Variants in TMEM132C observed in about 807,000 individuals in gnomAD.
TMEM132C encodes protein phosphatase 1, regulatory subunit 152.
In TMEM132C, 29 loss-of-function variants were observed where a neutral mutation model predicts 61.4. The observed-to-expected ratio is 0.47, with a 90% CI of 0.35 to 0.64. The LOEUF (loss-of-function observed/expected upper bound fraction) is 0.64. TMEM132C is among the 30% of genes least tolerant of loss of function. The pLI, the probability that TMEM132C is intolerant of heterozygous loss-of-function variation, is 0.00. For synonymous variants in TMEM132C, 656 were observed against 633.1 expected (o/e 1.04, Z -0.54); for missense variants, 1,408 against 1,476.9 (o/e 0.95, Z 0.76).
intron 4 of TMEM132C, among the ~76,000 whole-genome samples, chr12:128,655,881 A>G (rs1271829341): frequency 6.6e-6 from 1 of 152,244 alleles, no homozygotes; most frequent in East Asian, 1.9e-4. Flanking sequence ...AAATATCTAC[A>G]TAAGTTAGCC....
In TMEM132C at chr12:128,427,428, G is replaced by GTATA. The variant is rs1251726209; in HGVS notation, c.974+11814_974+11817dup. 4.5e-3 allele frequency among the ~76,000 whole-genome samples: 584 copies of GTATA among 129,252 alleles called. 10 individuals are homozygous for GTATA. The highest frequency in any genetic ancestry group is 0.016 in the African/African-American group (554 of 33,782). The allele number at this position is 129,252 out of a possible 152,430, so 84.8% of individuals were successfully genotyped here. ...TGTGTGTGTGTGTGTGTGTGTGTGTGTATATATATTTAAGGAGGGTGGTGG... is the reference window on the plus strand; with the variant it reads ...TGTGTGTGTGTGTGTGTGTGTGTGTGTATATATATATATTTAAGGAGGGTGGTGG... On this transcript the variant is annotated intron_variant, in intron 2 of 8. Transcript: ENST00000435159.
intron 5 of TMEM132C, among the ~76,000 whole-genome samples, chr12:128,686,079 G>GTGTGTTGTGTGCA (rs1566014962): frequency 2.7e-5 from 1 of 37,218 alleles, no homozygotes; most frequent in African/African-American, 1.1e-4. Context: ...GCGTGTGTGC[G>GTGTGTTGTGTGCA]CATGTGTGTT....
chr12:128,270,148 C>T (rs1478650943), intron 1 of TMEM132C, among the ~76,000 whole-genome samples: 2 of 152,166 alleles, frequency 1.3e-5, no homozygotes, highest in African/African-American at 4.8e-5. Flanking sequence ...GGCTGAGATG[C>T]CCTCGGAAGT....
At chr12:128,590,920 G>A (rs1875727384) in intron 3 of TMEM132C, among the ~76,000 whole-genome samples, 1 of 152,078 alleles carries the variant, frequency 6.6e-6, no homozygotes, top group Non-Finnish European at 1.5e-5. Context: ...GGGACCACAG[G>A]TATGCACTGC....
chr12:128,458,586 G>A (rs1193448052), intron 2 of TMEM132C, among the ~76,000 whole-genome samples: 1 of 152,072 alleles, frequency 6.6e-6, no homozygotes, highest in Non-Finnish European at 1.5e-5. Context: ...CATGGGGAAG[G>A]AGGAGAAATG....
At chr12:128,634,605 G>A (rs1954087256) in intron 4 of TMEM132C, among the ~76,000 whole-genome samples, 1 of 152,228 alleles carries the variant, frequency 6.6e-6, no homozygotes, top group Non-Finnish European at 1.5e-5. Context: ...CCTGCTATGT[G>A]AGTGACACCT....
chr12:128,334,590 T>C lies in TMEM132C; in HGVS notation c.85+67103T>C, dbSNP rs558620576. ...TGAAATAAAACGTTATTTGTTCTTT[T>C]TCACTTTCCTTTTTTTTTTTTTTGA... On this transcript the variant is annotated intron_variant, in intron 1 of 8. Coordinates refer to ENST00000435159, the MANE Select transcript of TMEM132C (RefSeq NM_001136103.3). Among the ~76,000 whole-genome samples, 3 of 152,110 alleles carry C rather than the reference T, an allele frequency of 2.0e-5. No individual in the cohort carries two copies. In the East Asian group the frequency reaches 5.8e-4, roughly 29 times the overall value.
intron 5 of TMEM132C, among the ~76,000 whole-genome samples, chr12:128,678,133 C>T (rs1954608590): frequency 6.6e-6 from 1 of 152,170 alleles, no homozygotes; most frequent in Admixed American, 6.5e-5. Flanking sequence ...CCCTAAACAG[C>T]AGGACAGCAG....
rs535744000 is a variant in TMEM132C at position 128,424,963 on chromosome 12, T to C, written c.974+9343T>C. On this transcript the variant is annotated intron_variant, in intron 2 of 8. Coordinates refer to ENST00000435159, the MANE Select transcript of TMEM132C (RefSeq NM_001136103.3). Reference sequence around the variant, plus strand: ...ACATTTAGAAACCCCCTCAACATTGTTGATTAGTGAGAATGGCCAAAACAA... The same window carrying C: ...ACATTTAGAAACCCCCTCAACATTGCTGATTAGTGAGAATGGCCAAAACAA... 3.9e-5 allele frequency among the ~76,000 whole-genome samples: 6 copies of C among 152,330 alleles called. No individual in the cohort carries two copies. The East Asian group carries it at 9.6e-4, about 24-fold the overall frequency.
chr12:128,287,431 A>G (rs1871108628), intron 1 of TMEM132C, among the ~76,000 whole-genome samples: 1 of 151,962 alleles, frequency 6.6e-6, no homozygotes, highest in Non-Finnish European at 1.5e-5. Context: ...GTTTATCAGT[A>G]TTTTTCTTAA....
At chr12:128,378,648 C>T (rs1172089626) in intron 1 of TMEM132C, among the ~76,000 whole-genome samples, 3 of 152,150 alleles carry the variant, frequency 2.0e-5, no homozygotes, top group African/African-American at 7.2e-5. Context: ...ATGCGTATTC[C>T]TCCATGCCCA....
In TMEM132C at chr12:128,604,605, CTAGA is replaced by C. The variant is rs1265399026; in HGVS notation, c.1122-11540_1122-11537del. Among the ~76,000 whole-genome samples, 8 of 145,932 alleles carry C rather than the reference CTAGA, an allele frequency of 5.5e-5. No homozygotes were observed. The South Asian group carries it at 1.3e-3, about 24-fold the overall frequency. ...AGATAGATCATAGAGGGATAGATGG[CTAGA>C]TAGATAAAAAATGGATGGAAGATAG... On this transcript the variant is annotated intron_variant, in intron 3 of 8. Coordinates refer to ENST00000435159, the MANE Select transcript of TMEM132C (RefSeq NM_001136103.3).
chr12:128,347,441 T>TCTCTCTCCC (rs1873204434), intron 1 of TMEM132C, among the ~76,000 whole-genome samples: 1 of 120,676 alleles, frequency 8.3e-6, no homozygotes, highest in African/African-American at 4.6e-5. Context: ...CTCTCTCTCC[T>TCTCTCTCCC]TCTTTCTGAC....
intron 1 of TMEM132C, among the ~76,000 whole-genome samples, chr12:128,390,149 G>T (rs758648238): frequency 6.6e-6 from 1 of 152,150 alleles, no homozygotes; most frequent in African/African-American, 2.4e-5. Context: ...GGGATTACAG[G>T]TGTGAGCCAC....
chr12:128,588,513 G>A (rs1875632859), intron 3 of TMEM132C, among the ~76,000 whole-genome samples: 1 of 152,130 alleles, frequency 6.6e-6, no homozygotes, highest in South Asian at 2.1e-4. Context: ...GTACGTAGTT[G>A]GAGTCTTTTA....
intron 2 of TMEM132C, among the ~76,000 whole-genome samples, chr12:128,422,163 C>T (rs1710143183): frequency 6.6e-6 from 1 of 152,178 alleles, no homozygotes; most frequent in African/African-American, 2.4e-5. Context: ...ACTGCCACCT[C>T]AGTGTACCTC....
At chr12:128,535,940 G>A (rs1360879119) in intron 2 of TMEM132C, among the ~76,000 whole-genome samples, 3 of 152,302 alleles carry the variant, frequency 2.0e-5, no homozygotes, top group Admixed American at 2.0e-4. Flanking sequence ...TACACTGTTG[G>A]TGGGAGTGTA....
intron 1 of TMEM132C, among the ~76,000 whole-genome samples, chr12:128,351,859 T>C (rs79715271): frequency 0.01 from 1,548 of 152,276 alleles, 29 homozygotes; most frequent in African/African-American, 0.036. Flanking sequence ...ACAAACCATG[T>C]TGAAAGCAGA....
intron 1 of TMEM132C, among the ~76,000 whole-genome samples, chr12:128,343,319 G>C (rs1250496752): frequency 6.6e-6 from 1 of 151,894 alleles, no homozygotes; most frequent in East Asian, 1.9e-4. Context: ...AGCTACTCAG[G>C]AGGCTGAGGC....
Sources: allele counts gnomAD v4.1 joint callset (sites outside exome capture counted in the v4.1 genomes callset), GRCh38; gene constraint gnomAD v4.1.1; transcripts MANE v1.5; gene names NCBI Gene and HGNC (gene_info 2026-07-23, HGNC 2026-07-21).